The following UNC13C variants were observed in gnomAD, a reference collection of about 807,000 sequenced individuals.
UNC13C encodes the protein unc-13 homolog C, also known as protein unc-13 homolog C.
UNC13C carries 174 observed loss-of-function variants against 245.4 expected under a neutral mutation model. The ratio of observed to expected loss-of-function variants is 0.71; its 90% confidence interval spans 0.63 to 0.80. UNC13C has a LOEUF of 0.80. Ranked by LOEUF, UNC13C falls within the 30% of genes least tolerant of loss-of-function variation. The pLI is 0.00. For synonymous variants in UNC13C, 992 were observed against 895.1 expected (o/e 1.11, Z -1.93); for missense variants, 2,829 against 2,602.9 (o/e 1.09, Z -1.89).
chr15:53,994,045 A>G lies in UNC13C; in HGVS notation c.-257+15118A>G, dbSNP rs147821120. ...CTTCTTAATTTCTTCCTATTATTTC[A>G]ATTACACCAATACTTGGACTTGCTA... On this transcript the variant is annotated intron_variant, in intron 1 of 32. Transcript: ENST00000260323. 5.4e-4 allele frequency among the ~76,000 whole-genome samples: 82 copies of G among 152,082 alleles called. 1 individual carries two copies. The East Asian group carries it at 0.016, about 29-fold the overall frequency.
chr15:54,521,079 G>A (rs999012066), intron 24 of UNC13C, among the ~76,000 whole-genome samples: 8 of 152,112 alleles, frequency 5.3e-5, no homozygotes, highest in Admixed American at 3.9e-4. Flanking sequence ...AACAAAATCC[G>A]AAAGAAGGAA....
At chr15:53,880,087 C>G in the UNC13C span, among the ~76,000 whole-genome samples, 771 of 152,138 alleles carry the variant, frequency 5.1e-3, 19 homozygotes, top group Admixed American at 0.037. Flanking sequence ...AGGAGGGCCA[C>G]TATCATGTCC....
chr15:54,451,598 A>G (rs1469958946), intron 19 of UNC13C, among the ~76,000 whole-genome samples: 3 of 152,060 alleles, frequency 2.0e-5, no homozygotes, highest in Admixed American at 2.0e-4. Context: ...CTTCAGTTCC[A>G]GGATATTTTG....
chr15:54,179,696 G>A (rs2033733751), intron 4 of UNC13C, among the ~76,000 whole-genome samples: 1 of 151,896 alleles, frequency 6.6e-6, no homozygotes, highest in South Asian at 2.1e-4. Context: ...AAGACAACAG[G>A]AAATCAATAT....
At chr15:54,237,561 C>T in intron 6 of UNC13C, 58 bp from the exon 7 acceptor site, 1 of 1,261,174 alleles carries the variant, frequency 7.9e-7, no homozygotes, top group Non-Finnish European at 1.1e-6. Context: ...TTCTGCTGAG[C>T]AGTATATGCA....
chr15:54,326,091 A>T (rs148325662), intron 14 of UNC13C, among the ~76,000 whole-genome samples: 102 of 152,162 alleles, frequency 6.7e-4, no homozygotes, highest in African/African-American at 2.4e-3. Context: ...AGAAAGGACA[A>T]ACTCTGTTCT....
chr15:54,215,433 A>G (rs1157388398), intron 4 of UNC13C, among the ~76,000 whole-genome samples: 3 of 152,002 alleles, frequency 2.0e-5, no homozygotes, highest in South Asian at 4.1e-4. Flanking sequence ...ACTTTAAAAA[A>G]TGGCATTAGC....
intron 2 of UNC13C, among the ~76,000 whole-genome samples, chr15:54,035,196 A>G (rs927505941): frequency 1.3e-5 from 2 of 152,178 alleles, no homozygotes; most frequent in African/African-American, 4.8e-5. Flanking sequence ...TGTATAATGT[A>G]CCCAGAAAAT....
chr15:54,382,453 G>A (rs1462037756), intron 17 of UNC13C, among the ~76,000 whole-genome samples: 2 of 152,026 alleles, frequency 1.3e-5, no homozygotes, highest in African/African-American at 4.8e-5. Flanking sequence ...TCCTAGTGTA[G>A]TGGCATATGC....
At chr15:54,336,773 T>TAAAAAAAAAA in intron 16 of UNC13C, among the ~76,000 whole-genome samples, 1 of 152,264 alleles carries the variant, frequency 6.6e-6, no homozygotes. Context: ...TGTAAAAAAT[T>TAAAAAAAAAA]AAATTGACCA....
At chr15:53,987,629 A>G (rs998079581) in intron 1 of UNC13C, among the ~76,000 whole-genome samples, 1 of 152,026 alleles carries the variant, frequency 6.6e-6, no homozygotes, top group Admixed American at 6.6e-5. Flanking sequence ...ATTTGCAAAA[A>G]TGTCCTGAGG....
intron 14 of UNC13C, among the ~76,000 whole-genome samples, chr15:54,323,300 G>T (rs66494370): frequency 0.078 from 11,923 of 151,974 alleles, 628 homozygotes; most frequent in Middle Eastern, 0.15. Flanking sequence ...AAGTGAATTA[G>T]AATAATCAAA....
intron 19 of UNC13C, among the ~76,000 whole-genome samples, chr15:54,470,712 T>C (rs1385710694): frequency 6.6e-6 from 1 of 151,404 alleles, no homozygotes; most frequent in African/African-American, 2.4e-5. Context: ...GTTTCATTAG[T>C]CTTTTAAATT....
At chr15:54,477,274 T>C (rs945925378) in intron 19 of UNC13C, among the ~76,000 whole-genome samples, 1 of 110,196 alleles carries the variant, frequency 9.1e-6, no homozygotes, top group Non-Finnish European at 1.9e-5. Flanking sequence ...TTTGACTTCC[T>C]CTTTTCCTAA....
chr15:53,861,755 C>T, the UNC13C span, among the ~76,000 whole-genome samples: 1 of 152,160 alleles, frequency 6.6e-6, no homozygotes, highest in African/African-American at 2.4e-5. Flanking sequence ...ATTACCTCTC[C>T]AGAAGAATTG....
chr15:54,413,727 G>C (rs2040459767), intron 18 of UNC13C, among the ~76,000 whole-genome samples: 1 of 152,120 alleles, frequency 6.6e-6, no homozygotes, highest in Non-Finnish European at 1.5e-5. Context: ...GAGTAGTTCT[G>C]TATGTGTCAA....
intron 17 of UNC13C, among the ~76,000 whole-genome samples, chr15:54,384,433 T>A (rs1479901632): frequency 6.6e-6 from 1 of 152,074 alleles, no homozygotes; most frequent in Admixed American, 6.6e-5. Context: ...CATTAAATGA[T>A]GCTGGGGAAA....
intron 30 of UNC13C, among the ~76,000 whole-genome samples, chr15:54,588,136 G>A (rs964216704): frequency 1.3e-5 from 2 of 152,128 alleles, no homozygotes; most frequent in Non-Finnish European, 2.9e-5. Flanking sequence ...TGGTTGCATG[G>A]TGAAGCTCTT....
chr15:54,292,688 T>C (rs1173665813), intron 10 of UNC13C, among the ~76,000 whole-genome samples: 2 of 151,708 alleles, frequency 1.3e-5, no homozygotes, highest in African/African-American at 4.8e-5. Context: ...AAATCAATTA[T>C]ATTGAAACAC....
Sources: allele counts gnomAD v4.1 joint callset (sites outside exome capture counted in the v4.1 genomes callset), GRCh38; gene constraint gnomAD v4.1.1; transcripts MANE v1.5; gene names NCBI Gene and HGNC (gene_info 2026-07-23, HGNC 2026-07-21).